Variants in TTC28 observed in about 807,000 individuals in gnomAD.
TTC28 encodes the protein tetratricopeptide repeat domain 28, also known as tetratricopeptide repeat protein 28.
A neutral mutation model predicts 198.0 loss-of-function variants in TTC28; 61 were observed. That is an observed-to-expected ratio of 0.31 (90% CI 0.25 to 0.38). The LOEUF is 0.38. TTC28 is among the 10% of genes least tolerant of loss of function. The probability of loss-of-function intolerance (pLI) is 1.00; values close to 1 mark genes in which losing one functional copy is unlikely to be tolerated. For synonymous variants in TTC28, 1,171 were observed against 1,297.8 expected, an observed-to-expected ratio of 0.90 and a Z score of 2.10; for missense variants, 2,678 against 3,164.0, an observed-to-expected ratio of 0.85 and a Z score of 3.69.
intron 2 of TTC28, among the ~76,000 whole-genome samples, chr22:28,519,755 A>C (rs2048863651): frequency 1.3e-5 from 2 of 152,098 alleles, no homozygotes; most frequent in Non-Finnish European, 2.9e-5. Flanking sequence ...TTTGAGCTGG[A>C]CTCCTGCCTC....
chr22:28,395,026 A>G lies in TTC28; in HGVS notation c.382-88383T>C, dbSNP rs556257487. 2.6e-5 allele frequency among the ~76,000 whole-genome samples: 4 copies of G among 152,262 alleles called. No homozygotes were observed. In the East Asian group the frequency reaches 7.7e-4, roughly 29 times the overall value. On this transcript the variant is annotated intron_variant, in intron 2 of 22. Coordinates refer to ENST00000397906, the MANE Select transcript of TTC28 (RefSeq NM_001145418.2). ...TAACCAATATACCATTTTAAGTGAAAGCCTCCATACTTTTATCTTTAATTT... is the reference window on the plus strand; with the variant it reads ...TAACCAATATACCATTTTAAGTGAAGGCCTCCATACTTTTATCTTTAATTT...
chr22:28,590,109 G>T (rs1201836009), intron 2 of TTC28, among the ~76,000 whole-genome samples: 1 of 147,972 alleles, frequency 6.8e-6, no homozygotes, highest in African/African-American at 2.5e-5. Flanking sequence ...TGATCTCATG[G>T]GCTTCTTCCA....
chr22:28,426,803 C>T (rs964742794), intron 2 of TTC28, among the ~76,000 whole-genome samples: 1 of 152,080 alleles, frequency 6.6e-6, no homozygotes, highest in Non-Finnish European at 1.5e-5. Flanking sequence ...ATAACAGTAC[C>T]CCATTAAAAA....
chr22:28,412,590 G>A (rs1014189312), intron 2 of TTC28, among the ~76,000 whole-genome samples: 12 of 152,166 alleles, frequency 7.9e-5, no homozygotes, highest in Non-Finnish European at 1.5e-4. Flanking sequence ...TATGCCAGGT[G>A]TTTTCACAAT....
intron 2 of TTC28, among the ~76,000 whole-genome samples, chr22:28,447,306 G>A (rs1400026812): frequency 6.6e-6 from 1 of 152,096 alleles, no homozygotes; most frequent in Non-Finnish European, 1.5e-5. Context: ...TGTTAAAAGG[G>A]GCAACTGCTA....
chr22:28,484,974 A>G (rs772166048), intron 2 of TTC28, among the ~76,000 whole-genome samples: 123 of 152,190 alleles, frequency 8.1e-4, no homozygotes, highest in Non-Finnish European at 1.5e-3. Context: ...CTCAAAGTCC[A>G]GTATATTTTT....
At chr22:28,254,439 C>T (rs571568625) in intron 5 of TTC28, among the ~76,000 whole-genome samples, 13 of 149,104 alleles carry the variant, frequency 8.7e-5, no homozygotes, top group Middle Eastern at 3.5e-3. Context: ...TCAGAAAAGT[C>T]AAGGAAGAAG....
intron 2 of TTC28, among the ~76,000 whole-genome samples, chr22:28,405,561 T>C (rs1358024269): frequency 1.3e-5 from 2 of 152,216 alleles, no homozygotes; most frequent in Non-Finnish European, 1.5e-5. Flanking sequence ...ATGGAAAAGA[T>C]AGTAATGGTG....
At chr22:28,670,117 G>A (rs1194196305) in intron 1 of TTC28, among the ~76,000 whole-genome samples, 1 of 147,248 alleles carries the variant, frequency 6.8e-6, no homozygotes, top group Non-Finnish European at 1.5e-5. Flanking sequence ...GGCAAATAAA[G>A]ACTTTAATAT....
intron 2 of TTC28, among the ~76,000 whole-genome samples, chr22:28,487,498 T>C (rs1402524753): frequency 6.6e-6 from 1 of 152,108 alleles, no homozygotes; most frequent in Non-Finnish European, 1.5e-5. Flanking sequence ...GTTGACTAGA[T>C]TTTGTGTATA....
chr22:28,466,409 A>T (rs1261926922), intron 2 of TTC28, among the ~76,000 whole-genome samples: 2 of 152,188 alleles, frequency 1.3e-5, no homozygotes, highest in African/African-American at 4.8e-5. Flanking sequence ...TCCCCTTGAG[A>T]TCCTTCCTCT....
At chr22:28,521,266 G>A (rs1375161118) in intron 2 of TTC28, among the ~76,000 whole-genome samples, 1 of 151,864 alleles carries the variant, frequency 6.6e-6, no homozygotes, top group Admixed American at 6.6e-5. Context: ...AAATTAACTG[G>A]GCATGGTAGT....
chr22:28,277,401 A>G (rs2044492448), intron 5 of TTC28, among the ~76,000 whole-genome samples: 1 of 152,216 alleles, frequency 6.6e-6, no homozygotes, highest in African/African-American at 2.4e-5. Context: ...GAAATAAGAA[A>G]GGATTCCTAA....
At chr22:28,027,174 C>A (rs114435441) in intron 13 of TTC28, among the ~76,000 whole-genome samples, 282 of 152,288 alleles carry the variant, frequency 1.9e-3, no homozygotes, top group African/African-American at 5.9e-3. Context: ...CCTCCCCTGA[C>A]ACACACACAG....
At chr22:28,343,041 G>A (rs181422330) in intron 2 of TTC28, among the ~76,000 whole-genome samples, 192 of 152,194 alleles carry the variant, frequency 1.3e-3, no homozygotes, top group Admixed American at 2.8e-3. Context: ...GTTGGTGGCA[G>A]AAGACAACAT....
At chr22:28,022,871 T>C (rs1938667678) in intron 13 of TTC28, among the ~76,000 whole-genome samples, 1 of 152,234 alleles carries the variant, frequency 6.6e-6, no homozygotes, top group Non-Finnish European at 1.5e-5. Flanking sequence ...TCCACGAACA[T>C]CCTCACACAA....
intron 2 of TTC28, among the ~76,000 whole-genome samples, chr22:28,506,646 C>T (rs2048617595): frequency 6.6e-6 from 1 of 152,202 alleles, no homozygotes; most frequent in Non-Finnish European, 1.5e-5. Flanking sequence ...TCACCTCCTA[C>T]AGGCATGTTC....
chr22:28,498,956 G>T (rs1737169029), intron 2 of TTC28, among the ~76,000 whole-genome samples: 1 of 152,114 alleles, frequency 6.6e-6, no homozygotes, highest in South Asian at 2.1e-4. Context: ...TGGCAGGACT[G>T]CTTGAGCCCA....
At chr22:28,001,277 G>T in intron 15 of TTC28, 97 bp downstream of exon 15, 2 of 1,407,016 alleles carry the variant, frequency 1.4e-6, no homozygotes, top group Middle Eastern at 2.6e-4. Context: ...GGAGATCACA[G>T]CTATGCCTTC....
Sources: allele counts gnomAD v4.1 joint callset (sites outside exome capture counted in the v4.1 genomes callset), GRCh38; gene constraint gnomAD v4.1.1; transcripts MANE v1.5; gene names NCBI Gene and HGNC (gene_info 2026-07-23, HGNC 2026-07-21).